Variants in CDK12 observed in about 807,000 individuals in gnomAD.
The protein encoded by CDK12 is cyclin dependent kinase 12, also known as cyclin-dependent kinase 12.
CDK12 carries 17 observed loss-of-function variants against 133.8 expected under a neutral mutation model. The ratio of observed to expected loss-of-function variants is 0.13; its 90% confidence interval spans 0.09 to 0.19. The LOEUF is 0.19. Ranked by LOEUF, CDK12 falls within the 10% of genes least tolerant of loss-of-function variation. The pLI is 1.00. For synonymous variants in CDK12, 694 were observed against 683.6 expected, an observed-to-expected ratio of 1.02 and a Z score of -0.24; for missense variants, 1,508 against 1,818.7, an observed-to-expected ratio of 0.83 and a Z score of 3.11.
chr17:39,554,318 A>G (rs541887456), intron 2 of CDK12, among the ~76,000 whole-genome samples: 1 of 152,332 alleles, frequency 6.6e-6, no homozygotes, highest in East Asian at 1.9e-4. Flanking sequence ...AGAGAGAAGC[A>G]GCTAGGGACT....
downstream of CDK12, among the ~76,000 whole-genome samples, chr17:39,536,720 CT>C (rs2055149082): frequency 6.6e-6 from 1 of 152,290 alleles, no homozygotes; most frequent in Admixed American, 6.5e-5. Context: ...TGCCAAAACA[CT>C]TTGACCACTG....
Position 39,462,168 on chromosome 17 carries a change from A to G in CDK12, c.97A>G (p.Arg33Gly), listed in dbSNP as rs1253774629. 5.0e-6 allele frequency: 8 copies of G among 1,614,120 alleles called. No homozygotes were observed. The highest frequency in any genetic ancestry group is 1.3e-5 in the African/African-American group (1 of 74,956). ...PSSGGGSSNSRERHRLVSKHK... is the reference protein window; with the variant it reads ...PSSGGGSSNSGERHRLVSKHK... ...ATCGGGAGGCGGCAGCTCTAACAGCAGAGAGCGTCACCGCTTGGTATCGAA... is the reference window on the plus strand; with the variant it reads ...ATCGGGAGGCGGCAGCTCTAACAGCGGAGAGCGTCACCGCTTGGTATCGAA... Residue 33 changes from arginine to glycine, a missense_variant, in exon 1 of 14, where the codon AGA becomes GGA. Physicochemically the swap from Arg to Gly is moderately radical, Grantham distance 125. Around this residue, in one of 9 missense-constraint regions of CDK12, gnomAD observed 460 missense variants for 490.8 expected, o/e 0.94. Transcript: ENST00000447079.
In CDK12 at chr17:39,525,883, A is replaced by G. The variant is rs759534575; in HGVS notation, c.3327A>G (p.Gln1109=). The change falls in exon 13 of 14, where the codon CAA becomes CAG. Residue 1109 remains glutamine (Q), a synonymous_variant. Coordinates refer to ENST00000447079, the MANE Select transcript of CDK12 (RefSeq NM_016507.4). ...CAACAGGCCTTGCTGACATCACACA[A>G]CAGCTGAATCAAAGTGAATTGGCAG... ...GDAIGLADIT[Q]QLNQSELAVL... 1.9e-6 allele frequency: 3 copies of G among 1,614,010 alleles called. No individual in the cohort carries two copies. In the South Asian group the frequency reaches 3.3e-5, roughly 18 times the overall value.
At chr17:39,500,637 A>G in intron 5 of CDK12, among the ~76,000 whole-genome samples, 1 of 152,196 alleles carries the variant, frequency 6.6e-6, no homozygotes, top group South Asian at 2.1e-4. Flanking sequence ...TGTCTTTAAA[A>G]AAAAGCCTAG....
At chr17:39,470,187 A>G (rs940218934) in intron 1 of CDK12, among the ~76,000 whole-genome samples, 1 of 149,678 alleles carries the variant, frequency 6.7e-6, no homozygotes, top group African/African-American at 2.5e-5. Context: ...GCTGGAGTGC[A>G]GTGGCTTACT....
At chr17:39,467,666 G>A (rs561472348) in intron 1 of CDK12, among the ~76,000 whole-genome samples, 1 of 152,214 alleles carries the variant, frequency 6.6e-6, no homozygotes, top group South Asian at 2.1e-4. Context: ...TAGCTAGCTG[G>A]CATTAGTGTT....
chr17:39,466,209 G>A (rs998150464), intron 1 of CDK12, among the ~76,000 whole-genome samples: 1 of 151,636 alleles, frequency 6.6e-6, no homozygotes, highest in African/African-American at 2.4e-5. Context: ...TCGGGAGGCT[G>A]AGGCAGGAGA....
intron 5 of CDK12, 58 bp downstream of exon 5, chr17:39,494,752 T>C: frequency 7.9e-7 from 1 of 1,258,212 alleles, no homozygotes; most frequent in East Asian, 2.6e-5. Context: ...TGCCTTTCTT[T>C]TTTTTTTTCT....
Position 39,532,609 on chromosome 17 carries a change from T to A in CDK12, c.*1293T>A, listed in dbSNP as rs2054930539. 4.3e-6 allele frequency: 1 copy of A among 232,312 alleles called. No homozygotes were observed. Among genetic ancestry groups the A allele is most frequent in the Admixed American group, 5.6e-5 (1 of 17,752 alleles). 14.4% of individuals were successfully genotyped at this position (232,312 alleles called of 1,614,324 possible). A position where few individuals can be genotyped will look rare whatever the true frequency, so the allele number is the denominator to read the frequency against. On this transcript the variant is annotated 3_prime_UTR_variant, in exon 14 of 14. Coordinates refer to ENST00000447079, the MANE Select transcript of CDK12 (RefSeq NM_016507.4). The stretch of plus-strand genomic sequence containing the variant: ...TACCTGACCTTTTTTAAAAAAATAA[T>A]TTTAAAACAGCATACTGTGAGGAAG...
rs58047556 is a variant in CDK12 at position 39,481,633 on chromosome 17, GCTCTCTCTCTCT to G, written c.1932-8857_1932-8846del. On this transcript the variant is annotated intron_variant, in intron 2 of 13. Transcript: ENST00000447079. ...CACTTATGTGCTTGCTCGCTCGCGC[GCTCTCTCTCTCT>G]CTCTCTCTCTCTCTCTCTCTCTCTC... Among the ~76,000 whole-genome samples, 88 of 17,572 alleles carry G rather than the reference GCTCTCTCTCTCT, an allele frequency of 5.0e-3. 6 individuals are homozygous for G. Among genetic ancestry groups the G allele is most frequent in the Middle Eastern group, 0.05 (1 of 20 alleles). 11.5% of individuals were successfully genotyped at this position (17,572 alleles called of 152,430 possible).
At chr17:39,474,358 C>T (rs2050025455) in intron 2 of CDK12, among the ~76,000 whole-genome samples, 1 of 151,986 alleles carries the variant, frequency 6.6e-6, no homozygotes, top group Non-Finnish European at 1.5e-5. Context: ...TGGCTCTGTC[C>T]CCCAGGCTGG....
chr17:39,566,583 C>T (rs2056583362), downstream of CDK12, among the ~76,000 whole-genome samples: 1 of 152,218 alleles, frequency 6.6e-6, no homozygotes, highest in African/African-American at 2.4e-5. Context: ...CCATACCCCC[C>T]TTCTCTGCAC....
chr17:39,489,340 G>C (rs543111142), intron 2 of CDK12, among the ~76,000 whole-genome samples: 1 of 152,056 alleles, frequency 6.6e-6, no homozygotes, highest in South Asian at 2.1e-4. Flanking sequence ...AAAGTGCTAA[G>C]ATTACAGGCG....
At chr17:39,525,055 C>T (rs762826579) in intron 12 of CDK12, among the ~76,000 whole-genome samples, 170 bp downstream of exon 12, 6 of 152,140 alleles carry the variant, frequency 3.9e-5, no homozygotes, top group African/African-American at 7.2e-5. Context: ...AACCAAGTTT[C>T]GTACATATGG....
chr17:39,509,882 C>A, intron 7 of CDK12, 121 bp downstream of exon 7: 1 of 738,042 alleles, frequency 1.4e-6, no homozygotes, highest in Non-Finnish European at 2.4e-6. Context: ...CTCGCTGCAG[C>A]CTCAACCTCT....
Position 39,533,328 on chromosome 17 carries a change from G to C in CDK12, c.*2012G>C, listed in dbSNP as rs2143280483. ...TTACTAGGCTTACTGACATGCTATT[G>C]GTAAATCGCATTAAAGTTCATCTGA... is the stretch of plus-strand genomic sequence containing the variant. On this transcript the variant is annotated 3_prime_UTR_variant, in exon 14 of 14. Transcript: ENST00000447079. The C allele has an allele frequency of 4.3e-6, 1 of 232,974 alleles. No individual in the cohort carries two copies. Among genetic ancestry groups the C allele is most frequent in the Non-Finnish European group, 8.5e-6 (1 of 117,854 alleles). 14.4% of individuals were successfully genotyped at this position (232,974 alleles called of 1,614,324 possible).
intron 11 of CDK12, among the ~76,000 whole-genome samples, chr17:39,520,687 T>TG: frequency 9.0e-6 from 1 of 111,360 alleles, no homozygotes; most frequent in Admixed American, 9.5e-5. Flanking sequence ...GCGTCCAGCG[T>TG]GTTTTTGTTG....
intron 13 of CDK12, among the ~76,000 whole-genome samples, chr17:39,527,166 GAT>G (rs2054545149): frequency 6.6e-6 from 1 of 152,254 alleles, no homozygotes; most frequent in Admixed American, 6.5e-5. Flanking sequence ...GGGCTGAAGA[GAT>G]ATACTAATCT....
At chr17:39,544,071 G>A (rs1190706136), upstream of CDK12, 2 of 389,368 alleles carry the variant, frequency 5.1e-6, no homozygotes, top group African/African-American at 2.0e-5. Context: ...CTCTGGGAGT[G>A]TACTAAGGTT....
Sources: gnomAD v4.1 joint callset for allele counts (sites outside exome capture counted in the v4.1 genomes callset) on GRCh38, gnomAD v4.1.1 for gene constraint, gnomAD v4.1.1 regional missense constraint, MANE v1.5 for transcripts, NCBI Gene and HGNC (gene_info 2026-07-23, HGNC 2026-07-21) for gene names.